Variants in CHSY3 observed in about 807,000 individuals in gnomAD.
CHSY3 encodes chondroitin sulfate synthase 3.
CHSY3 carries 35 observed loss-of-function variants against 67.2 expected under a neutral mutation model. The observed-to-expected ratio is 0.52, with a 90% confidence interval of 0.40 to 0.69. The LOEUF is 0.69. CHSY3 is among the 30% of genes least tolerant of loss of function. The pLI is 0.00. For missense variants in CHSY3, 1,069 were observed against 1,138.5 expected (o/e 0.94, Z 0.88); for synonymous variants, 474 against 434.7 (o/e 1.09, Z -1.12).
At chr5:130,087,164 A>G (rs1766668145) in intron 2 of CHSY3, among the ~76,000 whole-genome samples, 1 of 151,900 alleles carries the variant, frequency 6.6e-6, no homozygotes, top group Non-Finnish European at 1.5e-5. Flanking sequence ...ACAAAATTCA[A>G]CAACCCTTCA....
chr5:130,127,731 C>T (rs1011278546), intron 2 of CHSY3, among the ~76,000 whole-genome samples: 19 of 152,278 alleles, frequency 1.2e-4, no homozygotes, highest in African/African-American at 4.6e-4. Flanking sequence ...ATACCATCAG[C>T]TTCTTAAGGA....
chr5:130,091,815 C>T (rs993430542), intron 2 of CHSY3, among the ~76,000 whole-genome samples: 1 of 152,098 alleles, frequency 6.6e-6, no homozygotes, highest in Non-Finnish European at 1.5e-5. Flanking sequence ...ATTTTAATGA[C>T]CTCTTTGCAG....
At chr5:129,939,451 G>A (rs1368051018) in intron 2 of CHSY3, among the ~76,000 whole-genome samples, 23 of 152,240 alleles carry the variant, frequency 1.5e-4, no homozygotes, top group South Asian at 4.1e-4. Flanking sequence ...CTTGAATTTT[G>A]TAATATTTGT....
At chr5:130,152,286 T>C (rs968373922) in intron 2 of CHSY3, among the ~76,000 whole-genome samples, 1 of 152,216 alleles carries the variant, frequency 6.6e-6, no homozygotes, top group East Asian at 1.9e-4. Flanking sequence ...ATCAAAATTG[T>C]TGACTTTCCA....
At chr5:130,069,612 T>C (rs944258250) in intron 2 of CHSY3, among the ~76,000 whole-genome samples, 1 of 152,136 alleles carries the variant, frequency 6.6e-6, no homozygotes, top group Non-Finnish European at 1.5e-5. Flanking sequence ...TTTGCTGTCT[T>C]AGCTACTTAA....
chr5:129,963,992 C>T (rs980383406), intron 2 of CHSY3, among the ~76,000 whole-genome samples: 4 of 151,846 alleles, frequency 2.6e-5, no homozygotes, highest in East Asian at 1.9e-4. Flanking sequence ...TGGTAGTGCT[C>T]ACTTTCTCCA....
At chr5:130,110,551 A>G in intron 2 of CHSY3, among the ~76,000 whole-genome samples, 1 of 152,012 alleles carries the variant, frequency 6.6e-6, no homozygotes, top group East Asian at 1.9e-4. Flanking sequence ...TTGTGCTGAC[A>G]GTATGTGAAG....
At chr5:130,000,698 G>A (rs983353138) in intron 2 of CHSY3, among the ~76,000 whole-genome samples, 8 of 140,502 alleles carry the variant, frequency 5.7e-5, no homozygotes, top group East Asian at 4.4e-4. Flanking sequence ...TGAGCTCCCC[G>A]AGTAGCTGGG....
intron 2 of CHSY3, among the ~76,000 whole-genome samples, chr5:129,919,143 TCTG>T (rs1760835376): frequency 6.8e-6 from 1 of 148,140 alleles, no homozygotes; most frequent in Admixed American, 6.8e-5. Flanking sequence ...AAAAATTTAT[TCTG>T]CTAATATATT....
At chr5:129,988,800 A>T (rs1763275870) in intron 2 of CHSY3, among the ~76,000 whole-genome samples, 2 of 152,140 alleles carry the variant, frequency 1.3e-5, no homozygotes, top group Non-Finnish European at 2.9e-5. Flanking sequence ...TTTAACCTAA[A>T]ATTTTCTAAA....
At chr5:130,131,689 T>C (rs1768488139) in intron 2 of CHSY3, among the ~76,000 whole-genome samples, 1 of 152,132 alleles carries the variant, frequency 6.6e-6, no homozygotes. Flanking sequence ...TGGTAAACTA[T>C]CACAGGTTGC....
At chr5:130,157,769 G>A (rs1769415410) in intron 2 of CHSY3, among the ~76,000 whole-genome samples, 1 of 24,788 alleles carries the variant, frequency 4.0e-5, no homozygotes, top group African/African-American at 1.8e-4. Context: ...CTGAGCAGTG[G>A]CATGCGCCAC....
At chr5:130,061,511 GAAGACCC>G (rs1188677282) in intron 2 of CHSY3, among the ~76,000 whole-genome samples, 1 of 152,018 alleles carries the variant, frequency 6.6e-6, no homozygotes, top group Non-Finnish European at 1.5e-5. Context: ...AATTTATGAT[GAAGACCC>G]TAAAAGCAAA....
chr5:130,090,638 A>G (rs75423872), intron 2 of CHSY3, among the ~76,000 whole-genome samples: 1,972 of 152,276 alleles, frequency 0.013, 21 homozygotes, highest in South Asian at 0.035. Context: ...TCTGGAGAAC[A>G]TGTATCACGT....
chr5:130,109,203 G>T (rs1179147484), intron 2 of CHSY3, among the ~76,000 whole-genome samples: 1 of 151,760 alleles, frequency 6.6e-6, no homozygotes, highest in Middle Eastern at 3.2e-3. Context: ...GGGACTCATT[G>T]TAACTTAGAA....
At chr5:129,964,081 G>A (rs944404012) in intron 2 of CHSY3, among the ~76,000 whole-genome samples, 1 of 151,900 alleles carries the variant, frequency 6.6e-6, no homozygotes, top group African/African-American at 2.4e-5. Context: ...CATCTGATGG[G>A]CATCAAGGAA....
At chr5:130,178,253 A>ATATATATTT (rs1205782386) in intron 2 of CHSY3, among the ~76,000 whole-genome samples, 38 of 45,912 alleles carry the variant, frequency 8.3e-4, no homozygotes, top group Admixed American at 1.2e-3. Context: ...ATATATATAT[A>ATATATATTT]TTTTTTTTTT....
chr5:129,991,559 G>A (rs985531816), intron 2 of CHSY3, among the ~76,000 whole-genome samples: 1 of 152,170 alleles, frequency 6.6e-6, no homozygotes, highest in African/African-American at 2.4e-5. Flanking sequence ...TATGTAGGGT[G>A]TTGAGGTCTG....
At chr5:130,105,154 C>T (rs927251516) in intron 2 of CHSY3, among the ~76,000 whole-genome samples, 6 of 151,616 alleles carry the variant, frequency 4.0e-5, no homozygotes, top group Non-Finnish European at 7.4e-5. Context: ...GGCAGTGTCA[C>T]CTTTCAGCAA....
Sources: allele counts gnomAD v4.1 joint callset (sites outside exome capture counted in the v4.1 genomes callset), GRCh38; gene constraint gnomAD v4.1.1; transcripts MANE v1.5; gene names NCBI Gene and HGNC (gene_info 2026-07-23, HGNC 2026-07-21).